Variants in LRRC4C observed in about 807,000 individuals in gnomAD.
LRRC4C encodes the protein leucine-rich repeat-containing protein 4C.
A neutral mutation model predicts 33.6 loss-of-function variants in LRRC4C; 5 were observed. That is an observed-to-expected ratio of 0.15 (90% CI 0.08 to 0.31). The LOEUF is 0.31. Among genes scored for constraint, LRRC4C ranks in the 10% least tolerant of loss-of-function variants. The pLI is 1.00. For missense variants in LRRC4C, 560 were observed against 796.7 expected, an observed-to-expected ratio of 0.70 and a Z score of 3.58; for synonymous variants, 329 against 302.0, an observed-to-expected ratio of 1.09 and a Z score of -0.93.
intron 4 of LRRC4C, among the ~76,000 whole-genome samples, chr11:40,314,888 A>G (rs1945500324): frequency 6.6e-6 from 1 of 152,052 alleles, no homozygotes; most frequent in Non-Finnish European, 1.5e-5. Context: ...AGAAGATAGT[A>G]GAGTCTGGGA....
At chr11:40,643,616 C>T (rs1019391957) in intron 3 of LRRC4C, among the ~76,000 whole-genome samples, 9 of 152,116 alleles carry the variant, frequency 5.9e-5, no homozygotes, top group Non-Finnish European at 7.4e-5. Flanking sequence ...ACACCAATAC[C>T]CAACCCCCCT....
chr11:41,448,973 G>T (rs572425506), intron 1 of LRRC4C, among the ~76,000 whole-genome samples: 1 of 152,204 alleles, frequency 6.6e-6, no homozygotes, highest in Non-Finnish European at 1.5e-5. Flanking sequence ...TACATCTAAT[G>T]ACAGAGAAAT....
At chr11:40,690,423 T>C (rs1282239277) in intron 2 of LRRC4C, among the ~76,000 whole-genome samples, 1 of 152,052 alleles carries the variant, frequency 6.6e-6, no homozygotes, top group Non-Finnish European at 1.5e-5. Flanking sequence ...CAGAGCTTAA[T>C]GTAGCAAGGG....
At chr11:40,861,638 C>T (rs2135849446) in intron 2 of LRRC4C, among the ~76,000 whole-genome samples, 1 of 152,218 alleles carries the variant, frequency 6.6e-6, no homozygotes, top group South Asian at 2.1e-4. Flanking sequence ...CCCAAGAAGG[C>T]ACGGTTATTG....
intron 1 of LRRC4C, among the ~76,000 whole-genome samples, chr11:41,172,039 T>C (rs1341558678): frequency 6.6e-6 from 1 of 152,224 alleles, no homozygotes; most frequent in South Asian, 2.1e-4. Flanking sequence ...AGGCAAATGA[T>C]GATCCAGCAA....
At chr11:40,897,902 G>A (rs539329283) in intron 2 of LRRC4C, among the ~76,000 whole-genome samples, 4 of 152,206 alleles carry the variant, frequency 2.6e-5, no homozygotes, top group South Asian at 2.1e-4. Flanking sequence ...TACCGCTCCC[G>A]TTGAGTTGCA....
intron 3 of LRRC4C, among the ~76,000 whole-genome samples, chr11:40,353,491 C>T (rs776442034): frequency 6.6e-6 from 1 of 152,000 alleles, no homozygotes; most frequent in South Asian, 2.1e-4. Context: ...GCTGAGGTAG[C>T]GGTTCACTTG....
At chr11:40,380,190 G>C (rs565433656) in intron 3 of LRRC4C, among the ~76,000 whole-genome samples, 2 of 152,234 alleles carry the variant, frequency 1.3e-5, no homozygotes, top group African/African-American at 4.8e-5. Context: ...TGAGGGAGTA[G>C]GGAGTTTTAA....
At chr11:41,136,182 A>C (rs1943252630) in intron 1 of LRRC4C, among the ~76,000 whole-genome samples, 1 of 152,188 alleles carries the variant, frequency 6.6e-6, no homozygotes, top group South Asian at 2.1e-4. Flanking sequence ...GTTGGGAACC[A>C]ATAAGACTAA....
intron 1 of LRRC4C, among the ~76,000 whole-genome samples, chr11:40,956,546 A>G (rs2136800187): frequency 6.6e-6 from 1 of 151,900 alleles, no homozygotes; most frequent in Non-Finnish European, 1.5e-5. Context: ...TGGGGATAAT[A>G]TTACCTTTCT....
At chr11:40,580,624 C>CGGT (rs1383845522) in intron 3 of LRRC4C, among the ~76,000 whole-genome samples, 10 of 152,092 alleles carry the variant, frequency 6.6e-5, no homozygotes, top group African/African-American at 2.4e-4. Context: ...TAGAATAACT[C>CGGT]GGTGGTATGT....
chr11:40,405,722 A>C (rs1296652045), intron 3 of LRRC4C, among the ~76,000 whole-genome samples: 1 of 144,176 alleles, frequency 6.9e-6, no homozygotes, highest in East Asian at 2.3e-4. Flanking sequence ...TTACAAAAGA[A>C]GTTTTGAGAA....
intron 5 of LRRC4C, among the ~76,000 whole-genome samples, chr11:40,165,739 A>T (rs1859536567): frequency 6.6e-6 from 1 of 152,182 alleles, no homozygotes; most frequent in Admixed American, 6.5e-5. Context: ...TGAGGTCGGG[A>T]GTTCAAGACC....
chr11:40,565,595 T>C (rs1226119244), intron 3 of LRRC4C, among the ~76,000 whole-genome samples: 1 of 152,136 alleles, frequency 6.6e-6, no homozygotes, highest in East Asian at 1.9e-4. Flanking sequence ...CTTCCTTCCA[T>C]TACAATTTTG....
chr11:41,076,148 C>A (rs976717070), intron 1 of LRRC4C, among the ~76,000 whole-genome samples: 6 of 152,132 alleles, frequency 3.9e-5, no homozygotes, highest in African/African-American at 1.2e-4. Flanking sequence ...CACATTTAAT[C>A]TTTATCCTGA....
intron 1 of LRRC4C, among the ~76,000 whole-genome samples, chr11:41,391,039 G>C (rs1232831538): frequency 1.3e-5 from 2 of 150,948 alleles, no homozygotes; most frequent in South Asian, 4.2e-4. Context: ...TTTTGTGAAA[G>C]GGTAAAGGTA....
chr11:40,465,564 A>G (rs1952611514), intron 3 of LRRC4C, among the ~76,000 whole-genome samples: 1 of 152,080 alleles, frequency 6.6e-6, no homozygotes, highest in Non-Finnish European at 1.5e-5. Context: ...ACAAAGGACT[A>G]ATATCCAGAT....
intron 3 of LRRC4C, among the ~76,000 whole-genome samples, chr11:40,368,590 G>A (rs7120303): frequency 3.3e-5 from 5 of 152,106 alleles, no homozygotes; most frequent in African/African-American, 1.2e-4. Flanking sequence ...GGACATGATT[G>A]CATGTCTACA....
At chr11:40,834,120 A>T (rs990670733) in intron 2 of LRRC4C, among the ~76,000 whole-genome samples, 1 of 152,182 alleles carries the variant, frequency 6.6e-6, no homozygotes, top group Non-Finnish European at 1.5e-5. Context: ...TGAGTTAAAA[A>T]AAATAATCTC....
Sources: allele counts gnomAD v4.1 joint callset (sites outside exome capture counted in the v4.1 genomes callset), GRCh38; gene constraint gnomAD v4.1.1; transcripts MANE v1.5; gene names NCBI Gene and HGNC (gene_info 2026-07-23, HGNC 2026-07-21).